The following DLG2 variants were observed in gnomAD, a reference collection of about 807,000 sequenced individuals.
The protein encoded by DLG2 is discs large MAGUK scaffold protein 2, also known as disks large homolog 2.
A neutral mutation model predicts 132.5 loss-of-function variants in DLG2; 45 were observed. That is an observed-to-expected ratio of 0.34 (90% CI 0.27 to 0.44). The LOEUF (loss-of-function observed/expected upper bound fraction) is 0.44. Ranked by LOEUF, DLG2 falls within the 20% of genes least tolerant of loss-of-function variation. The pLI is 1.00. For synonymous variants in DLG2, 424 were observed against 419.6 expected, an observed-to-expected ratio of 1.01 and a Z score of -0.13; for missense variants, 1,045 against 1,196.9, an observed-to-expected ratio of 0.87 and a Z score of 1.87.
At chr11:85,501,635 A>G (rs1238877976) in intron 3 of DLG2, among the ~76,000 whole-genome samples, 1 of 152,232 alleles carries the variant, frequency 6.6e-6, no homozygotes, top group Non-Finnish European at 1.5e-5. Flanking sequence ...TCTCAAAAGA[A>G]GACATTTAGC....
intron 6 of DLG2, among the ~76,000 whole-genome samples, chr11:84,605,208 T>C (rs377121790): frequency 3.9e-5 from 6 of 152,110 alleles, no homozygotes; most frequent in African/African-American, 1.4e-4. Context: ...GTAACAGTAC[T>C]AGGCAATATA....
chr11:83,982,195 GC>G (rs2092845578), intron 11 of DLG2, among the ~76,000 whole-genome samples: 1 of 151,928 alleles, frequency 6.6e-6, no homozygotes, highest in Non-Finnish European at 1.5e-5. Context: ...ACTACACTAT[GC>G]TTTTTATTGT....
intron 6 of DLG2, among the ~76,000 whole-genome samples, chr11:84,946,498 A>C (rs1338974419): frequency 6.6e-6 from 1 of 152,122 alleles, no homozygotes; most frequent in East Asian, 1.9e-4. Context: ...ATGTGTCCAG[A>C]AATCTCTTTC....
At chr11:84,591,256 T>C (rs75379486) in intron 6 of DLG2, among the ~76,000 whole-genome samples, 9 of 150,242 alleles carry the variant, frequency 6.0e-5, no homozygotes, top group African/African-American at 9.9e-5. Flanking sequence ...TGTGTGTGTG[T>C]GCGCGTCTTT....
intron 27 of DLG2, among the ~76,000 whole-genome samples, chr11:83,460,975 G>T (rs1476823158): frequency 6.8e-6 from 1 of 147,718 alleles, no homozygotes; most frequent in Admixed American, 6.8e-5. Flanking sequence ...TTCACATATG[G>T]TAATCCAGGA....
chr11:85,250,063 T>G (rs943910914), intron 4 of DLG2, among the ~76,000 whole-genome samples: 6 of 152,152 alleles, frequency 3.9e-5, no homozygotes, highest in African/African-American at 1.4e-4. Context: ...ACAGAAATTT[T>G]TACAGGGGCC....
At chr11:84,449,781 G>A (rs555076798) in intron 7 of DLG2, among the ~76,000 whole-genome samples, 15 of 151,222 alleles carry the variant, frequency 9.9e-5, no homozygotes, top group East Asian at 3.9e-4. Context: ...ATTGCCATCC[G>A]AATAAACACA....
chr11:85,581,933 G>C (rs1401858701), intron 3 of DLG2, among the ~76,000 whole-genome samples: 1 of 152,164 alleles, frequency 6.6e-6, no homozygotes, highest in African/African-American at 2.4e-5. Context: ...GTACGAAAAT[G>C]TTCCCTGGGA....
chr11:84,493,435 C>A (rs569013643), intron 7 of DLG2, among the ~76,000 whole-genome samples: 2 of 152,202 alleles, frequency 1.3e-5, no homozygotes, highest in South Asian at 4.1e-4. Flanking sequence ...TCTCTCCACC[C>A]ATTCCACCCC....
intron 11 of DLG2, among the ~76,000 whole-genome samples, chr11:84,042,619 C>G (rs1379195258): frequency 6.6e-6 from 1 of 151,752 alleles, no homozygotes; most frequent in African/African-American, 2.4e-5. Flanking sequence ...AGTTTATTCT[C>G]TTCTTTTTAA....
intron 18 of DLG2, among the ~76,000 whole-genome samples, chr11:83,784,764 C>G (rs1401023619): frequency 6.6e-6 from 1 of 152,122 alleles, no homozygotes; most frequent in Non-Finnish European, 1.5e-5. Context: ...TCATTCTGTT[C>G]AAGGTTATTT....
intron 7 of DLG2, among the ~76,000 whole-genome samples, chr11:84,341,016 G>A (rs1228758629): frequency 6.6e-6 from 1 of 152,084 alleles, no homozygotes; most frequent in African/African-American, 2.4e-5. Flanking sequence ...AGTAGTTTAA[G>A]GCTAAGGGAA....
rs180864756 is a variant in DLG2 at position 84,264,618 on chromosome 11, G to T, written c.520-13327C>A. 2.9e-3 allele frequency among the ~76,000 whole-genome samples: 436 copies of T among 152,216 alleles called. 4 individuals are homozygous for T. Among genetic ancestry groups the T allele is most frequent in the African/African-American group, 0.01 (424 of 41,542 alleles). On this transcript the variant is annotated intron_variant, in intron 7 of 27. Coordinates refer to ENST00000376104, the MANE Select transcript of DLG2 (RefSeq NM_001142699.3). The stretch of plus-strand genomic sequence containing the variant: ...AGTGAAATGATGATTCCCAGGCTGG[G>T]ACTCTCTCTTCTGTGCTCTCAGACT...
At chr11:83,470,848 T>C (rs2091930242) in intron 24 of DLG2, among the ~76,000 whole-genome samples, 1 of 152,110 alleles carries the variant, frequency 6.6e-6, no homozygotes, top group East Asian at 1.9e-4. Context: ...AGAGAAATAT[T>C]TGTTGGTATC....
At chr11:83,719,854 A>G (rs917958596) in intron 18 of DLG2, among the ~76,000 whole-genome samples, 1 of 152,200 alleles carries the variant, frequency 6.6e-6, no homozygotes, top group Non-Finnish European at 1.5e-5. Context: ...ATGACAGTCA[A>G]TAAGGAGACA....
intron 14 of DLG2, 30 bp downstream of exon 14, chr11:83,962,855 A>G (rs1282442511): frequency 6.2e-7 from 1 of 1,610,240 alleles, no homozygotes; most frequent in Non-Finnish European, 8.5e-7. Context: ...TAATAAGAGC[A>G]AATCCAATTA....
intron 15 of DLG2, among the ~76,000 whole-genome samples, chr11:83,900,543 C>T (rs2073125165): frequency 6.6e-6 from 1 of 152,212 alleles, no homozygotes; most frequent in South Asian, 2.1e-4. Context: ...CAACATAGAG[C>T]TTGGGCTGTG....
chr11:84,836,285 T>C (rs1309805976), intron 6 of DLG2, among the ~76,000 whole-genome samples: 6 of 151,796 alleles, frequency 4.0e-5, no homozygotes, highest in Admixed American at 6.6e-5. Context: ...TGGTTCATAT[T>C]AGAAGGAATT....
chr11:83,510,393 CA>C (rs1236669770), intron 21 of DLG2, among the ~76,000 whole-genome samples: 3 of 152,082 alleles, frequency 2.0e-5, no homozygotes, highest in African/African-American at 7.2e-5. Flanking sequence ...TGATTGAGGG[CA>C]AACCAACAAA....
Sources: allele counts gnomAD v4.1 joint callset (sites outside exome capture counted in the v4.1 genomes callset), GRCh38; gene constraint gnomAD v4.1.1; transcripts MANE v1.5; gene names NCBI Gene and HGNC (gene_info 2026-07-23, HGNC 2026-07-21).